The following COMMD10 variants were observed in gnomAD, a reference collection of about 807,000 sequenced individuals.
The protein encoded by COMMD10 is COMM domain containing 10, also known as COMM domain-containing protein 10.
A neutral mutation model predicts 28.9 loss-of-function variants in COMMD10; 33 were observed. The ratio of observed to expected loss-of-function variants is 1.14; its 90% CI spans 0.87 to 1.53. The LOEUF (loss-of-function observed/expected upper bound fraction) is 1.53, where lower values mean the gene tolerates loss of function less well. COMMD10 is among the 40% of genes most tolerant of loss of function. The pLI, the probability that COMMD10 is intolerant of heterozygous loss-of-function variation, is 0.00. For synonymous variants in COMMD10, 110 were observed against 81.7 expected (o/e 1.35, Z -1.87); for missense variants, 310 against 233.4 (o/e 1.33, Z -2.14).
chr5:116,148,983 T>G (rs192497154), intron 5 of COMMD10, among the ~76,000 whole-genome samples: 11 of 148,146 alleles, frequency 7.4e-5, no homozygotes, highest in Non-Finnish European at 1.5e-4. Flanking sequence ...GTATATCTCC[T>G]AAAGCTATCC....
intron 5 of COMMD10, among the ~76,000 whole-genome samples, chr5:116,182,466 T>G (rs977978260): frequency 1.3e-5 from 2 of 151,724 alleles, no homozygotes; most frequent in African/African-American, 4.8e-5. Context: ...AAAAAAAAAG[T>G]CAGTTGAGGT....
At chr5:116,156,943 A>G (rs967116143) in intron 5 of COMMD10, among the ~76,000 whole-genome samples, 38 of 152,056 alleles carry the variant, frequency 2.5e-4, no homozygotes, top group African/African-American at 8.5e-4. Flanking sequence ...CTTTGTTGCC[A>G]TATTGCCTTA....
In COMMD10 at chr5:116,233,813, G is replaced by T. The variant is rs137924570; in HGVS notation, c.511-57704G>T. Among the ~76,000 whole-genome samples, 392 of 152,142 alleles carry T rather than the reference G, an allele frequency of 2.6e-3. 1 individual carries two copies. Among genetic ancestry groups the T allele is most frequent in the Non-Finnish European group, 4.4e-3 (301 of 67,994 alleles). ...GAGATTGGAAGAGGAGAGGTGAGAG[G>T]GGTGTGGTAGGACAGATGATGTAAA... On this transcript the variant is annotated intron_variant, in intron 5 of 6. Coordinates refer to ENST00000274458, the MANE Select transcript of COMMD10 (RefSeq NM_016144.4).
At chr5:116,103,605 T>A (rs1209088976) in intron 4 of COMMD10, among the ~76,000 whole-genome samples, 1 of 152,222 alleles carries the variant, frequency 6.6e-6, no homozygotes, top group Non-Finnish European at 1.5e-5. Context: ...TCCCATTCTG[T>A]AGGTTGCCTA....
At chr5:116,103,126 A>T (rs1357809508) in intron 4 of COMMD10, among the ~76,000 whole-genome samples, 2 of 152,148 alleles carry the variant, frequency 1.3e-5, no homozygotes, top group Non-Finnish European at 2.9e-5. Context: ...GCTGCAATAA[A>T]CATACATGTG....
At chr5:116,287,688 T>C (rs1751255460) in intron 5 of COMMD10, among the ~76,000 whole-genome samples, 1 of 151,672 alleles carries the variant, frequency 6.6e-6, no homozygotes, top group African/African-American at 2.4e-5. Context: ...TTTTTTCTAG[T>C]GGTATGCTTT....
At chr5:116,135,007 A>T (rs1256474518) in intron 5 of COMMD10, among the ~76,000 whole-genome samples, 1 of 152,210 alleles carries the variant, frequency 6.6e-6, no homozygotes, top group African/African-American at 2.4e-5. Context: ...AAGCATTGCT[A>T]TGAAATACTT....
chr5:116,253,573 G>C lies in COMMD10; in HGVS notation c.511-37944G>C, dbSNP rs563477976. On this transcript the variant is annotated intron_variant, in intron 5 of 6. Transcript: ENST00000274458. ...AGATAATCATGTGGTTTTTGTCTTT[G>C]GCTCTGTTTATATGCTGGATTACAT... Among the ~76,000 whole-genome samples the C allele has an allele frequency of 6.2e-3, 842 of 135,864 alleles. 11 individuals are homozygous for C. The highest frequency in any genetic ancestry group is 0.024 in the African/African-American group (808 of 34,342). The allele number at this position is 135,864 out of a possible 152,430, so 89.1% of individuals were successfully genotyped here.
At chr5:116,101,549 C>T (rs1184438690) in intron 4 of COMMD10, among the ~76,000 whole-genome samples, 2 of 152,128 alleles carry the variant, frequency 1.3e-5, no homozygotes, top group Non-Finnish European at 2.9e-5. Flanking sequence ...ACCTCAGCCT[C>T]CTGAGTAGCT....
At chr5:116,091,420 G>A (rs914541434) in intron 3 of COMMD10, among the ~76,000 whole-genome samples, 9 of 151,994 alleles carry the variant, frequency 5.9e-5, no homozygotes, top group African/African-American at 2.2e-4. Flanking sequence ...TAATTCATTG[G>A]TACTTGGTAT....
At chr5:116,131,474 G>T (rs769168159) in intron 4 of COMMD10, among the ~76,000 whole-genome samples, 2 of 151,860 alleles carry the variant, frequency 1.3e-5, no homozygotes, top group African/African-American at 4.8e-5. Flanking sequence ...ATAGGTTGCA[G>T]TCCTGCCTCC....
At chr5:116,193,111 G>A (rs117029912) in intron 5 of COMMD10, among the ~76,000 whole-genome samples, 1 of 152,238 alleles carries the variant, frequency 6.6e-6, no homozygotes, top group East Asian at 1.9e-4. Context: ...AACAAATGCT[G>A]CGTGAATTCA....
chr5:116,232,956 T>C (rs903091282), intron 5 of COMMD10, among the ~76,000 whole-genome samples: 2 of 152,208 alleles, frequency 1.3e-5, no homozygotes, highest in Non-Finnish European at 2.9e-5. Context: ...AATTCTATGC[T>C]CTTACCCTTA....
chr5:116,268,997 A>G (rs1750682433), intron 5 of COMMD10, among the ~76,000 whole-genome samples: 1 of 151,678 alleles, frequency 6.6e-6, no homozygotes. Context: ...ACCTAATGTA[A>G]ATGACGAGTT....
At chr5:116,215,226 A>T (rs188991203) in intron 5 of COMMD10, among the ~76,000 whole-genome samples, 1 of 152,180 alleles carries the variant, frequency 6.6e-6, no homozygotes, top group East Asian at 1.9e-4. Context: ...GTGTTATGGA[A>T]TATAAGAAAA....
chr5:116,290,192 T>A (rs969529707), intron 5 of COMMD10, among the ~76,000 whole-genome samples: 2 of 151,788 alleles, frequency 1.3e-5, no homozygotes, highest in Non-Finnish European at 2.9e-5. Context: ...TTATCATCCT[T>A]CCTTAACTGC....
chr5:116,159,521 G>T (rs1289014185), intron 5 of COMMD10, among the ~76,000 whole-genome samples: 1 of 152,184 alleles, frequency 6.6e-6, no homozygotes, highest in Non-Finnish European at 1.5e-5. Context: ...GTGCTGAGCA[G>T]ATAAAAAGGA....
intron 5 of COMMD10, among the ~76,000 whole-genome samples, chr5:116,200,999 C>T (rs1748651127): frequency 1.3e-5 from 2 of 152,128 alleles, no homozygotes; most frequent in Non-Finnish European, 2.9e-5. Flanking sequence ...TTTTAGTAAG[C>T]CTGTGCCTCT....
At chr5:116,103,900 T>A (rs1354673684) in intron 4 of COMMD10, among the ~76,000 whole-genome samples, 1 of 152,232 alleles carries the variant, frequency 6.6e-6, no homozygotes, top group Middle Eastern at 3.2e-3. Context: ...ATTTATTACA[T>A]AGGGAATCCC....
Sources: allele counts gnomAD v4.1 joint callset (sites outside exome capture counted in the v4.1 genomes callset), GRCh38; gene constraint gnomAD v4.1.1; transcripts MANE v1.5; gene names NCBI Gene and HGNC (gene_info 2026-07-23, HGNC 2026-07-21).